Variants in DAPK2 observed in about 807,000 individuals in gnomAD.
DAPK2 encodes the protein death associated protein kinase 2.
Under a neutral mutation model 44.1 loss-of-function variants are expected in DAPK2, and 35 were observed. The ratio of observed to expected loss-of-function variants is 0.79; its 90% CI spans 0.61 to 1.05. DAPK2 has a LOEUF of 1.05. Among genes scored for constraint, DAPK2 ranks in the 50% least tolerant of loss-of-function variants. The pLI is 0.00. For synonymous variants in DAPK2, 174 were observed against 182.6 expected, an observed-to-expected ratio of 0.95 and a Z score of 0.38; for missense variants, 453 against 483.2, an observed-to-expected ratio of 0.94 and a Z score of 0.59.
chr15:63,991,198 G>C (rs1231043118), intron 1 of DAPK2: 2 of 456,138 alleles, frequency 4.4e-6, no homozygotes, highest in Admixed American at 2.3e-5. Flanking sequence ...TTTTAGGCCA[G>C]AGAGACAAGG....
chr15:63,914,258 A>G (rs2078869184), intron 8 of DAPK2, among the ~76,000 whole-genome samples: 1 of 151,842 alleles, frequency 6.6e-6, no homozygotes, highest in Non-Finnish European at 1.5e-5. Flanking sequence ...CTGGAGGGGG[A>G]GTGCATGCAA....
intron 3 of DAPK2, among the ~76,000 whole-genome samples, chr15:63,962,495 G>A (rs932432425): frequency 1.3e-5 from 2 of 152,134 alleles, no homozygotes; most frequent in Non-Finnish European, 2.9e-5. Context: ...TGTACCTTTG[G>A]TCTTTGATGA....
rs1191649678 is a variant in DAPK2 at position 63,923,638 on chromosome 15, C to T, written c.858+1178G>A. Among the ~76,000 whole-genome samples, 1 of 152,246 alleles carries T rather than the reference C, an allele frequency of 6.6e-6. No homozygotes were observed. The highest frequency in any genetic ancestry group is 2.4e-5 in the African/African-American group (1 of 41,462). ...GCAGACAAGCAGGCTGCAGCCAGGACTCCGCAGGCATCTGCGCAGGGCTGG... is the reference window on the plus strand; with the variant it reads ...GCAGACAAGCAGGCTGCAGCCAGGATTCCGCAGGCATCTGCGCAGGGCTGG... On this transcript the variant is annotated intron_variant, in intron 8 of 10. Coordinates refer to ENST00000261891, the Ensembl canonical transcript of DAPK2. This position sits in a 1 kb window ranked among gnomAD's most constrained non-coding sequence, Gnocchi z 4.2.
intron 3 of DAPK2, among the ~76,000 whole-genome samples, chr15:63,964,106 T>A (rs189092988): frequency 1.8e-3 from 278 of 152,342 alleles, no homozygotes; most frequent in Non-Finnish European, 3.0e-3. Flanking sequence ...GATTGAAGAA[T>A]TCCCTTTAGC....
intron 8 of DAPK2, chr15:63,918,313 G>A (rs2078983311): frequency 6.6e-6 from 1 of 152,526 alleles, no homozygotes; most frequent in Non-Finnish European, 1.5e-5. Flanking sequence ...TTCACTGCCA[G>A]GCTCCCACAG....
chr15:63,947,301 C>G (rs1195525902), intron 3 of DAPK2, among the ~76,000 whole-genome samples: 1 of 151,138 alleles, frequency 6.6e-6, no homozygotes, highest in Non-Finnish European at 1.5e-5. Flanking sequence ...CACTACAATT[C>G]CTTCCTTACA....
At chr15:63,920,701 TC>T (rs2079048288) in intron 8 of DAPK2, 1 of 152,226 alleles carries the variant, frequency 6.6e-6, no homozygotes, top group Non-Finnish European at 1.5e-5. Context: ...GGGCATTCCC[TC>T]CCCAGCACCT....
In DAPK2 at chr15:63,931,779, G is replaced by A. The variant is rs558389620; in HGVS notation, c.584-1324C>T. 8.5e-5 allele frequency among the ~76,000 whole-genome samples: 13 copies of A among 152,272 alleles called. No individual in the cohort carries two copies. The South Asian group carries it at 2.7e-3, about 32-fold the overall frequency. On this transcript the variant is annotated intron_variant, in intron 4 of 10. Transcript: ENST00000261891. ...GACTAGGAGAGATGGCTCTGCCAAG[G>A]AGAGAAGAAGATCAAATGCTCCCCA...
At chr15:63,956,391 TG>T (rs1247938407) in intron 3 of DAPK2, among the ~76,000 whole-genome samples, 3 of 152,162 alleles carry the variant, frequency 2.0e-5, no homozygotes, top group African/African-American at 7.2e-5. Flanking sequence ...CCATAGGTTT[TG>T]GTATGTTGTA....
chr15:64,023,682 G>A (rs2079755071), intron 1 of DAPK2, among the ~76,000 whole-genome samples: 1 of 152,182 alleles, frequency 6.6e-6, no homozygotes, highest in Admixed American at 6.6e-5. Flanking sequence ...ACTCCTCCCT[G>A]TGAACTCTTC....
intron 1 of DAPK2, among the ~76,000 whole-genome samples, chr15:63,998,531 C>CCT (rs1308345603): frequency 1.3e-5 from 2 of 152,194 alleles, no homozygotes; most frequent in Non-Finnish European, 2.9e-5. Context: ...TGGCAAGCCT[C>CCT]CTCTATACAC....
At chr15:63,998,429 G>A (rs2079003766) in intron 1 of DAPK2, among the ~76,000 whole-genome samples, 1 of 152,182 alleles carries the variant, frequency 6.6e-6, no homozygotes, top group Non-Finnish European at 1.5e-5. Flanking sequence ...AGAGCCAAAG[G>A]ATGGACTGTC....
Position 63,908,653 on chromosome 15 carries a change from G to T in DAPK2, c.1033-53C>A. ...AGGGCAGGAGGATCATGAGACGCCAGGAATGGGGCTGTGCTGGGCAACCTG... is the reference window on the plus strand; with the variant it reads ...AGGGCAGGAGGATCATGAGACGCCATGAATGGGGCTGTGCTGGGCAACCTG... On this transcript the variant is annotated intron_variant, in intron 10 of 10. Transcript: ENST00000261891. This position sits in a 1 kb window ranked among gnomAD's most constrained non-coding sequence, Gnocchi z 5.7. 6.7e-7 allele frequency: 1 copy of T among 1,488,168 alleles called. No individual in the cohort carries two copies. Among genetic ancestry groups the T allele is most frequent in the Non-Finnish European group, 9.0e-7 (1 of 1,110,492 alleles). The allele number at this position is 1,488,168 out of a possible 1,614,324, so 92.2% of individuals were successfully genotyped here. A position where few individuals can be genotyped will look rare whatever the true frequency, so the allele number is the denominator to read the frequency against.
At position 63,911,891 on chromosome 15, in the gene DAPK2, G is replaced by C. The variant is rs2078801772; in HGVS notation, c.1032+17C>G. Reference sequence around the variant, plus strand: ...ACCCCAGAATTCTGCCCAAGAAGAGGGCATGCATTTACCCACCAGGTCCTC... The same window carrying C: ...ACCCCAGAATTCTGCCCAAGAAGAGCGCATGCATTTACCCACCAGGTCCTC... On this transcript the variant is annotated intron_variant, in intron 10 of 10. Coordinates refer to ENST00000261891, the Ensembl canonical transcript of DAPK2. 6.2e-7 allele frequency: 1 copy of C among 1,611,674 alleles called. No individual in the cohort carries two copies. Among genetic ancestry groups the C allele is most frequent in the African/African-American group, 1.3e-5 (1 of 74,968 alleles).
chr15:64,040,897 GAAAAAAAA>G (rs3056980), upstream of DAPK2, among the ~76,000 whole-genome samples: 3 of 83,424 alleles, frequency 3.6e-5, no homozygotes, highest in African/African-American at 8.7e-5. Context: ...CTGGGCAACA[GAAAAAAAA>G]AAAAAAAAAA....
intron 1 of DAPK2, among the ~76,000 whole-genome samples, chr15:63,992,746 A>G (rs2078852792): frequency 6.6e-6 from 1 of 152,216 alleles, no homozygotes; most frequent in Admixed American, 6.5e-5. Flanking sequence ...GAGAACAAGC[A>G]GTCAAGGGAC....
intron 3 of DAPK2, among the ~76,000 whole-genome samples, chr15:63,948,128 G>A (rs1234831887): frequency 6.6e-6 from 1 of 151,852 alleles, no homozygotes; most frequent in Non-Finnish European, 1.5e-5. Flanking sequence ...AAAATTAGCT[G>A]GGTGTGATGG....
At chr15:63,989,934 T>C (rs144272398) in intron 1 of DAPK2, among the ~76,000 whole-genome samples, 4,432 of 152,248 alleles carry the variant, frequency 0.029, 216 homozygotes, top group African/African-American at 0.1. Context: ...TCCAGTGATC[T>C]GCCCGCCTAG....
intron 3 of DAPK2, 62 bp downstream of exon 4, chr15:63,971,361 C>A: frequency 6.3e-7 from 1 of 1,592,566 alleles, no homozygotes; most frequent in South Asian, 1.1e-5. Flanking sequence ...GGGAAAGACA[C>A]CAGGAGGGAC....
Sources: allele counts gnomAD v4.1 joint callset (sites outside exome capture counted in the v4.1 genomes callset), GRCh38; gene constraint gnomAD v4.1.1; non-coding constraint Gnocchi (gnomAD v3.1); transcripts MANE v1.5; gene names NCBI Gene and HGNC (gene_info 2026-07-23, HGNC 2026-07-21).